Variants in FAM53C observed in about 807,000 individuals in gnomAD.
The protein encoded by FAM53C is protein FAM53C.
Under a neutral mutation model 34.7 loss-of-function variants are expected in FAM53C, and 10 were observed. The ratio of observed to expected loss-of-function variants is 0.29; its 90% confidence interval spans 0.18 to 0.49. FAM53C has a LOEUF of 0.49. Among genes scored for constraint, FAM53C ranks in the 20% least tolerant of loss-of-function variants. The probability of loss-of-function intolerance (pLI) is 0.99; values close to 1 mark genes in which losing one functional copy is unlikely to be tolerated. For synonymous variants in FAM53C, 203 were observed against 203.6 expected (o/e 1.00, Z 0.03); for missense variants, 442 against 515.3 (o/e 0.86, Z 1.38).
At chr5:138,344,564 A>G (rs901362166) in intron 3 of FAM53C, among the ~76,000 whole-genome samples, 3 of 152,266 alleles carry the variant, frequency 2.0e-5, no homozygotes, top group Non-Finnish European at 4.4e-5. Flanking sequence ...GCAATAGAGC[A>G]TAGTGGTTTA....
intron 3 of FAM53C, chr5:138,343,872 G>A (rs548731623): frequency 6.6e-6 from 1 of 152,322 alleles, no homozygotes; most frequent in South Asian, 2.1e-4. Context: ...CCCTCATAGT[G>A]GTTAGTAGAG....
Position 138,344,856 on chromosome 5 carries a change from T to C in FAM53C, c.168T>C (p.Cys56=), listed in dbSNP as rs1178596769. 2 of 1,596,346 alleles carry C rather than the reference T, an allele frequency of 1.3e-6. No homozygotes were observed. The highest frequency in any genetic ancestry group is 1.7e-6 in the Non-Finnish European group (2 of 1,171,122). Residue 56 remains cysteine, a synonymous_variant, in exon 4 of 5, where the codon TGT becomes TGC. Transcript: ENST00000239906. ...EGASWRGLPH[C]SCAEFQDSLN... is the part of the protein sequence containing the mutation. ...CTTCCTGGAGGGGCCTGCCCCACTG[T>C]TCCTGTGCTGAGTTCCAGGACAGCC...
intron 1 of FAM53C, among the ~76,000 whole-genome samples, chr5:138,340,870 C>T (rs1202799279): frequency 6.6e-6 from 1 of 152,200 alleles, no homozygotes; most frequent in Non-Finnish European, 1.5e-5. Context: ...ATCATTTGGG[C>T]ATCCCTCTCT....
At chr5:138,339,016 T>G (rs1362091985) in intron 1 of FAM53C, among the ~76,000 whole-genome samples, 1 of 152,120 alleles carries the variant, frequency 6.6e-6, no homozygotes, top group Admixed American at 6.5e-5. Context: ...CTGATCTTTA[T>G]TTTTGGGGGC....
chr5:138,345,738 C>T lies in FAM53C; in HGVS notation c.921+129C>T. The T allele has an allele frequency of 9.2e-7, 1 of 1,081,098 alleles. No homozygotes were observed. The highest frequency in any genetic ancestry group is 1.3e-6 in the Non-Finnish European group (1 of 759,214). The allele number at this position is 1,081,098 out of a possible 1,614,324, so 67.0% of individuals were successfully genotyped here. On this transcript the variant is annotated intron_variant, in intron 4 of 4. Transcript: ENST00000239906. The surrounding 1 kb of genome is among the most constrained non-coding windows in gnomAD (Gnocchi z 6.3). ...CAACAGCACCTCCTTTAGCTCTTAG[C>T]TAGGGTGACCTACCATCCCAGTTTG...
At chr5:138,339,411 A>G (rs963299192) in intron 1 of FAM53C, among the ~76,000 whole-genome samples, 15 of 152,174 alleles carry the variant, frequency 9.9e-5, no homozygotes, top group African/African-American at 1.7e-4. Context: ...CATTGTTCCA[A>G]TTACCACTGT....
rs1193483802 is a variant in FAM53C at position 138,345,179 on chromosome 5, C to CT, written c.491_492insT (p.Arg166AlafsTer53). The CT allele has an allele frequency of 6.2e-7, 1 of 1,614,118 alleles. No homozygotes were observed. The highest frequency in any genetic ancestry group is 8.5e-7 in the Non-Finnish European group (1 of 1,180,038). ...CCGCAGGTGCCTCACCAGAGCCCCC[C>CT]AAAGCGGGTCTCCAGCCTCAGGTTC... is the stretch of plus-strand genomic sequence containing the variant. On this transcript the variant is annotated frameshift_variant, in exon 4 of 5. Transcript: ENST00000239906. LOFTEE classifies it high-confidence loss of function. The surrounding 1 kb of genome is among the most constrained non-coding windows in gnomAD (Gnocchi z 6.3).
In FAM53C at chr5:138,345,323, G is replaced by A. The variant is rs867859023; in HGVS notation, c.635G>A (p.Ser212Asn). 3 of 1,614,222 alleles carry A rather than the reference G, an allele frequency of 1.9e-6. No individual in the cohort carries two copies. Among genetic ancestry groups the A allele is most frequent in the Middle Eastern group, 1.6e-4 (1 of 6,062 alleles). ...CGACCCTGCGCCGCCTCCCCTCAAA[G>A]TGGCTCCTGGGAGAGTGATGCTGAG... ...SSRPCAASPQ[S>N]GSWESDAESL... The change falls in exon 4 of 5, where the codon AGT (serine) becomes AAT (asparagine). Residue 212 changes from serine to asparagine, a missense_variant. By Grantham distance (46) the Ser-to-Asn change is conservative (BLOSUM62 1). Transcript: ENST00000239906. This position sits in a 1 kb window ranked among gnomAD's most constrained non-coding sequence, Gnocchi z 6.3.
chr5:138,341,957 A>G (rs1340764046), intron 3 of FAM53C, 91 bp downstream of exon 3: 2 of 1,290,536 alleles, frequency 1.5e-6, no homozygotes, highest in Non-Finnish European at 2.3e-6. Flanking sequence ...AGGGCTAGCG[A>G]GCCTACCTCT....
chr5:138,340,689 A>G (rs574287226), intron 1 of FAM53C, among the ~76,000 whole-genome samples: 3 of 152,374 alleles, frequency 2.0e-5, no homozygotes, highest in African/African-American at 7.2e-5. Context: ...TCAGATGTTT[A>G]GGCTGTGGGA....
Position 138,345,465 on chromosome 5 carries a change from C to G in FAM53C, c.777C>G (p.Pro259=), listed in dbSNP as rs1408912717. ...CTCCCGCATCCTCCCCAGAGCTGCC[C>G]TGGCGACCTCGAGGTCTCCGCAACC... is the stretch of plus-strand genomic sequence containing the variant. The part of the protein sequence containing the change: ...RSSPASSPEL[P]WRPRGLRNLP... Residue 259 remains proline, a synonymous_variant, in exon 4 of 5, where the codon CCC becomes CCG. Transcript: ENST00000239906. The surrounding 1 kb of genome is among the most constrained non-coding windows in gnomAD (Gnocchi z 6.3). 1 of 1,614,116 alleles carries G rather than the reference C, an allele frequency of 6.2e-7. No individual in the cohort carries two copies. Among genetic ancestry groups the G allele is most frequent in the African/African-American group, 1.3e-5 (1 of 75,060 alleles).
upstream of FAM53C, chr5:138,337,944 GCCTTTGTTTA>G: frequency 7.8e-7 from 1 of 1,288,460 alleles, no homozygotes; most frequent in Non-Finnish European, 1.0e-6. Flanking sequence ...CAGGGGCGAT[GCCTTTGTTTA>G]CCTTCTTCCG....
chr5:138,338,680 G>A (rs923199248), intron 1 of FAM53C, among the ~76,000 whole-genome samples: 1 of 151,756 alleles, frequency 6.6e-6, no homozygotes, highest in African/African-American at 2.4e-5. Context: ...GAAGATTGGA[G>A]GGGCCTAGCC....
At chr5:138,342,115 T>C in intron 3 of FAM53C, 2 of 463,286 alleles carry the variant, frequency 4.3e-6, no homozygotes, top group Non-Finnish European at 7.7e-6. Flanking sequence ...TTCACATGGT[T>C]CAAAATTTAA....
At position 138,341,792 on chromosome 5, in the gene FAM53C, T is replaced by G; in HGVS notation, c.79-17T>G. The stretch of plus-strand genomic sequence containing the variant: ...TGTCCTGAATCCAAATCATGATGGA[T>G]ATTCTCTCTTTCTTAGCCTTTGCCT... On this transcript the variant is annotated splice_polypyrimidine_tract_variant and intron_variant, in intron 2 of 4. Transcript: ENST00000239906. 1 of 1,613,152 alleles carries G rather than the reference T, an allele frequency of 6.2e-7. No individual in the cohort carries two copies. The highest frequency in any genetic ancestry group is 8.5e-7 in the Non-Finnish European group (1 of 1,179,084).
chr5:138,343,469 C>G (rs1001773868), intron 3 of FAM53C, among the ~76,000 whole-genome samples: 2 of 151,358 alleles, frequency 1.3e-5, no homozygotes, highest in African/African-American at 4.9e-5. Context: ...GAGATCGCAC[C>G]CACTGCACTC....
chr5:138,341,481 T>C, intron 2 of FAM53C, 68 bp downstream of exon 2: 2 of 1,347,416 alleles, frequency 1.5e-6, no homozygotes, highest in Non-Finnish European at 2.1e-6. Context: ...ATTGTTGCTA[T>C]TACTTTACTC....
intron 1 of FAM53C, among the ~76,000 whole-genome samples, chr5:138,339,831 C>A (rs1293442645): frequency 1.3e-5 from 2 of 152,180 alleles, no homozygotes; most frequent in Admixed American, 1.3e-4. Context: ...CAGAGAACTC[C>A]AGGTACATCC....
chr5:138,338,039 G>T (rs1455142177), upstream of FAM53C: 6 of 1,289,742 alleles, frequency 4.7e-6, no homozygotes, highest in South Asian at 7.4e-5. Context: ...TTTGGAGGGG[G>T]TGACTCGTTA....
Sources: gnomAD v4.1 joint callset for allele counts (sites outside exome capture counted in the v4.1 genomes callset) on GRCh38, gnomAD v4.1.1 for gene constraint, Gnocchi (gnomAD v3.1) non-coding constraint, MANE v1.5 for transcripts, NCBI Gene and HGNC (gene_info 2026-07-23, HGNC 2026-07-21) for gene names.